The following IRX2 variants were observed in gnomAD, a reference collection of about 807,000 sequenced individuals.
The protein encoded by IRX2 is iroquois homeobox 2, also known as iroquois-class homeodomain protein IRX-2.
A neutral mutation model predicts 42.9 loss-of-function variants in IRX2; 26 were observed. The ratio of observed to expected loss-of-function variants is 0.61; its 90% CI spans 0.44 to 0.84. The LOEUF (loss-of-function observed/expected upper bound fraction) is 0.84. Among genes scored for constraint, IRX2 ranks in the 40% least tolerant of loss-of-function variants. IRX2 has a pLI of 0.00. For missense variants in IRX2, 782 were observed against 713.9 expected (o/e 1.10, Z -1.09); for synonymous variants, 424 against 353.9 (o/e 1.20, Z -2.22).
Position 2,749,634 on chromosome 5 carries a change from C to T in IRX2, c.403G>A (p.Glu135Lys). ...GTGGGGTAGGGGTTCTTGCGGTGCT[C>T]GTTGAGCCAGGCCTTGAGAGTGGCC... ...ATATLKAWLNEHRKNPYPTKG... is the reference protein window; with the variant it reads ...ATATLKAWLNKHRKNPYPTKG... Residue 135 changes from glutamate (E) to lysine (K), a missense_variant, in exon 2 of 4, where the codon GAG becomes AAG. Glu to Lys is a moderately conservative substitution (Grantham distance 56, BLOSUM62 1). Coordinates refer to ENST00000302057, the MANE Select transcript of IRX2 (RefSeq NM_033267.5). 6.2e-7 allele frequency: 1 copy of T among 1,614,206 alleles called. No individual in the cohort carries two copies. Among genetic ancestry groups the T allele is most frequent in the Non-Finnish European group, 8.5e-7 (1 of 1,180,028 alleles).
chr5:2,739,700 C>A, the IRX2 span, among the ~76,000 whole-genome samples: 39 of 152,208 alleles, frequency 2.6e-4, 1 homozygote, highest in Non-Finnish European at 2.2e-4. Context: ...CGCTCTGCGG[C>A]GCTGCTTTGT....
the IRX2 span, among the ~76,000 whole-genome samples, chr5:2,735,724 G>A: frequency 1.3e-5 from 2 of 152,158 alleles, no homozygotes; most frequent in Non-Finnish European, 1.5e-5. Context: ...AGCAGAGTCT[G>A]GCATCCTGGG....
At chr5:2,743,892 T>C (rs1385129121), downstream of IRX2, among the ~76,000 whole-genome samples, 1 of 152,190 alleles carries the variant, frequency 6.6e-6, no homozygotes, top group African/African-American at 2.4e-5. Flanking sequence ...GTGTATATTT[T>C]AGAAATCAAG....
the IRX2 span, among the ~76,000 whole-genome samples, chr5:2,735,668 A>G: frequency 6.6e-6 from 1 of 152,314 alleles, no homozygotes; most frequent in African/African-American, 2.4e-5. Flanking sequence ...CAAACATACA[A>G]CATGTATAAA....
downstream of IRX2, among the ~76,000 whole-genome samples, chr5:2,741,178 A>G (rs1737531355): frequency 6.6e-6 from 1 of 152,232 alleles, no homozygotes; most frequent in Non-Finnish European, 1.5e-5. Flanking sequence ...TTTCCCCAGT[A>G]AGAAGGTGTC....
At chr5:2,738,664 C>G in the IRX2 span, among the ~76,000 whole-genome samples, 1 of 152,102 alleles carries the variant, frequency 6.6e-6, no homozygotes, top group East Asian at 1.9e-4. Context: ...GGCCCAGGAC[C>G]CCAAAGGTTA....
chr5:2,744,550 T>C, downstream of IRX2, among the ~76,000 whole-genome samples: 1 of 152,196 alleles, frequency 6.6e-6, no homozygotes, highest in Non-Finnish European at 1.5e-5. Context: ...AGGTTTTATT[T>C]CTAAAACCAA....
chr5:2,747,634 A>C lies in IRX2; in HGVS notation c.1364-18T>G. 6.2e-7 allele frequency: 1 copy of C among 1,613,578 alleles called. No individual in the cohort carries two copies. On this transcript the variant is annotated intron_variant, in intron 3 of 3. Coordinates refer to ENST00000302057, the MANE Select transcript of IRX2 (RefSeq NM_033267.5). Reference sequence around the variant, plus strand: ...GCTGGCATCTGTCAGGGGAGTGGGCAGTTAGTCAGAACCGACCCCACAGCC... The same window carrying C: ...GCTGGCATCTGTCAGGGGAGTGGGCCGTTAGTCAGAACCGACCCCACAGCC...
chr5:2,748,552 A>C lies in IRX2; in HGVS notation c.1156T>G (p.Ser386Ala). Residue 386 changes from serine (S) to alanine (A), a missense_variant, in exon 3 of 4, where the codon TCG becomes GCG. Around this residue, in one of 3 missense-constraint regions of IRX2, gnomAD observed 520 missense variants for 437.8 expected, o/e 1.19. Coordinates refer to ENST00000302057, the MANE Select transcript of IRX2 (RefSeq NM_033267.5). ...PLLGRPLYYT[S>A]PFYGNYTNYG... ...TTTGTGTAGTTGCCGTAGAAGGGCG[A>C]CGTGTAGTAGAGGGGGCGGCCCAGC... The C allele has an allele frequency of 1.9e-6, 3 of 1,575,936 alleles. No homozygotes were observed. Among genetic ancestry groups the C allele is most frequent in the Non-Finnish European group, 2.6e-6 (3 of 1,162,606 alleles).
chr5:2,743,025 G>T (rs554012533), downstream of IRX2, among the ~76,000 whole-genome samples: 1 of 152,318 alleles, frequency 6.6e-6, no homozygotes, highest in South Asian at 2.1e-4. Context: ...CCCAGAATCC[G>T]CAGAGATCTA....
Position 2,751,069 on chromosome 5 carries a change from G to A in IRX2, c.249+96C>T. On this transcript the variant is annotated intron_variant, in intron 1 of 3. Transcript: ENST00000302057. This position sits in a 1 kb window ranked among gnomAD's most constrained non-coding sequence, Gnocchi z 4.0. ...GAGTCGCCAGCCGCGCCACATTCCC[G>A]GCGGCCCCCGCCCGCCGAACCCGAG... 1 of 1,171,932 alleles carries A rather than the reference G, an allele frequency of 8.5e-7. No homozygotes were observed. Among genetic ancestry groups the A allele is most frequent in the Non-Finnish European group, 1.1e-6 (1 of 947,146 alleles). 72.6% of individuals were successfully genotyped at this position (1,171,932 alleles called of 1,614,324 possible).
In IRX2 at chr5:2,748,550, C is replaced by T. The variant is rs1288354493; in HGVS notation, c.1158G>A (p.Ser386=). ...PLLGRPLYYT[S]PFYGNYTNYG... ...AGTTTGTGTAGTTGCCGTAGAAGGGCGACGTGTAGTAGAGGGGGCGGCCCA... is the reference window on the plus strand; with the variant it reads ...AGTTTGTGTAGTTGCCGTAGAAGGGTGACGTGTAGTAGAGGGGGCGGCCCA... The change falls in exon 3 of 4, where the codon TCG becomes TCA. Residue 386 remains serine (S), a synonymous_variant. Transcript: ENST00000302057. 7.0e-6 allele frequency: 11 copies of T among 1,576,168 alleles called. No individual in the cohort carries two copies. The highest frequency in any genetic ancestry group is 9.5e-6 in the Non-Finnish European group (11 of 1,162,764).
At chr5:2,747,701 C>G in intron 3 of IRX2, 85 bp from the exon 4 acceptor site, 2 of 1,341,796 alleles carry the variant, frequency 1.5e-6, no homozygotes, top group Non-Finnish European at 2.1e-6. Flanking sequence ...ATCCTCCACT[C>G]CCAGGCAAAC....
chr5:2,749,904 G>A, intron 1 of IRX2, 117 bp from the exon 2 acceptor site: 1 of 1,086,746 alleles, frequency 9.2e-7, no homozygotes, highest in Non-Finnish European at 1.3e-6. Flanking sequence ...TCTGGCTCTG[G>A]GGCTGCGCTT....
Position 2,747,288 on chromosome 5 carries a change from TACAC to T in IRX2, c.*272_*275del, listed in dbSNP as rs113300568. ...GTACTATATATATACATATATATAT[TACAC>T]ACACACACACACACATATATATATA... is the stretch of plus-strand genomic sequence containing the variant. On this transcript the variant is annotated 3_prime_UTR_variant, in exon 4 of 4. Transcript: ENST00000302057. The T allele has an allele frequency of 1.2e-4, 27 of 225,244 alleles. No individual in the cohort carries two copies. Among genetic ancestry groups the T allele is most frequent in the South Asian group, 5.9e-4 (5 of 8,514 alleles). The allele number at this position is 225,244 out of a possible 1,614,324, so 14.0% of individuals were successfully genotyped here. A position where few individuals can be genotyped will look rare whatever the true frequency, so the allele number is the denominator to read the frequency against.
At chr5:2,742,893 G>A (rs1157165356), downstream of IRX2, among the ~76,000 whole-genome samples, 1 of 152,108 alleles carries the variant, frequency 6.6e-6, no homozygotes, top group Non-Finnish European at 1.5e-5. Flanking sequence ...AAAACAAAGG[G>A]TCCACTTTAC....
the IRX2 span, among the ~76,000 whole-genome samples, chr5:2,738,287 T>C: frequency 6.6e-6 from 1 of 152,222 alleles, no homozygotes; most frequent in African/African-American, 2.4e-5. Context: ...AAGAAGCAGG[T>C]TGGGCCCTCT....
At chr5:2,735,651 A>T in the IRX2 span, among the ~76,000 whole-genome samples, 85 of 152,320 alleles carry the variant, frequency 5.6e-4, no homozygotes, top group African/African-American at 2.0e-3. Flanking sequence ...AATATTTTTT[A>T]AAAAATCAAA....
chr5:2,742,547 C>A (rs993054967), downstream of IRX2, among the ~76,000 whole-genome samples: 1 of 152,034 alleles, frequency 6.6e-6, no homozygotes, highest in Non-Finnish European at 1.5e-5. Flanking sequence ...CTTCGGTTAA[C>A]GCTTTCAAAA....
Sources: allele counts gnomAD v4.1 joint callset (sites outside exome capture counted in the v4.1 genomes callset), GRCh38; gene constraint gnomAD v4.1.1; regional missense constraint gnomAD v4.1.1; non-coding constraint Gnocchi (gnomAD v3.1); transcripts MANE v1.5; gene names NCBI Gene and HGNC (gene_info 2026-07-23, HGNC 2026-07-21).